The following RNGTT variants were observed in gnomAD, a reference collection of about 807,000 sequenced individuals.
RNGTT encodes mRNA-capping enzyme.
Under a neutral mutation model 79.3 loss-of-function variants are expected in RNGTT, and 33 were observed. The ratio of observed to expected loss-of-function variants is 0.42; its 90% CI spans 0.32 to 0.56. RNGTT has a LOEUF of 0.56. Ranked by LOEUF, RNGTT falls within the 20% of genes least tolerant of loss-of-function variation. The pLI is 0.17. For missense variants in RNGTT, 497 were observed against 739.1 expected (o/e 0.67, Z 3.80); for synonymous variants, 222 against 235.9 (o/e 0.94, Z 0.54).
chr6:88,942,590 C>T (rs1442295578), intron 1 of RNGTT, among the ~76,000 whole-genome samples: 4 of 151,972 alleles, frequency 2.6e-5, no homozygotes, highest in Non-Finnish European at 1.5e-5. Context: ...AGGCTGGTCT[C>T]GAATTCCTAA....
chr6:88,646,274 A>T (rs1773554385), intron 14 of RNGTT, among the ~76,000 whole-genome samples: 1 of 152,228 alleles, frequency 6.6e-6, no homozygotes, highest in Admixed American at 6.5e-5. Flanking sequence ...AGAGAAATGC[A>T]AATCAAAACC....
Position 88,890,611 on chromosome 6 carries a change from C to A in RNGTT, c.795-15G>T, listed in dbSNP as rs773936118. 2 of 1,571,126 alleles carry A rather than the reference C, an allele frequency of 1.3e-6. No individual in the cohort carries two copies. Among genetic ancestry groups the A allele is most frequent in the Non-Finnish European group, 1.7e-6 (2 of 1,143,556 alleles). Reference sequence around the variant, plus strand: ...GGAATCCAGACCTTAAAGAAGAACACAGTATTACTATCGTGGCTGGTATCC... The same window carrying A: ...GGAATCCAGACCTTAAAGAAGAACAAAGTATTACTATCGTGGCTGGTATCC... On this transcript the variant is annotated splice_polypyrimidine_tract_variant and intron_variant, in intron 7 of 15. Coordinates refer to ENST00000369485, the MANE Select transcript of RNGTT (RefSeq NM_003800.5).
intron 14 of RNGTT, among the ~76,000 whole-genome samples, chr6:88,646,529 A>G (rs1196443043): frequency 6.6e-6 from 1 of 152,206 alleles, no homozygotes; most frequent in African/African-American, 2.4e-5. Flanking sequence ...TGCTGCTATA[A>G]AGACACATGC....
At chr6:88,935,117 G>C (rs1784625549) in intron 2 of RNGTT, among the ~76,000 whole-genome samples, 1 of 152,140 alleles carries the variant, frequency 6.6e-6, no homozygotes, top group Admixed American at 6.5e-5. Flanking sequence ...TATGGTGAGA[G>C]ATAAAGGTCC....
At chr6:88,860,458 T>C (rs193217641) in intron 8 of RNGTT, among the ~76,000 whole-genome samples, 2 of 152,276 alleles carry the variant, frequency 1.3e-5, no homozygotes, top group Admixed American at 6.5e-5. Flanking sequence ...AACTTTTAAC[T>C]TGAGTGACAG....
intron 13 of RNGTT, among the ~76,000 whole-genome samples, chr6:88,679,261 G>T (rs1427750622): frequency 1.3e-5 from 2 of 152,162 alleles, no homozygotes; most frequent in Non-Finnish European, 2.9e-5. Context: ...CGGAATAAAG[G>T]TATTTGCTAT....
chr6:88,672,977 T>C (rs921504586), intron 14 of RNGTT, among the ~76,000 whole-genome samples: 3 of 152,250 alleles, frequency 2.0e-5, no homozygotes, highest in African/African-American at 4.8e-5. Context: ...TGGCATGCTA[T>C]AGCAAATTTC....
intron 13 of RNGTT, among the ~76,000 whole-genome samples, chr6:88,739,292 T>C (rs1777389018): frequency 6.6e-6 from 1 of 152,296 alleles, no homozygotes; most frequent in Admixed American, 6.5e-5. Flanking sequence ...ATTCTTCATG[T>C]TGGGCCAATA....
chr6:88,940,277 C>T (rs2127958345), intron 2 of RNGTT, among the ~76,000 whole-genome samples: 1 of 152,174 alleles, frequency 6.6e-6, no homozygotes, highest in South Asian at 2.1e-4. Context: ...CAGGTTTTTG[C>T]CATGTTGGCC....
intron 13 of RNGTT, among the ~76,000 whole-genome samples, chr6:88,725,087 A>G (rs948170027): frequency 3.9e-5 from 6 of 152,314 alleles, no homozygotes; most frequent in East Asian, 3.9e-4. Flanking sequence ...TTCAAGTGCT[A>G]TTTCTTTTGT....
intron 14 of RNGTT, among the ~76,000 whole-genome samples, chr6:88,670,653 G>A (rs1774600857): frequency 6.6e-6 from 1 of 152,178 alleles, no homozygotes; most frequent in Non-Finnish European, 1.5e-5. Flanking sequence ...AACCGCTTGT[G>A]CTATCCATAG....
rs1211805277 is a variant in RNGTT at position 88,698,112 on chromosome 6, T to TATATATATGAAATACATATATATG, written c.1440-19717_1440-19694dup. 1.4e-4 allele frequency among the ~76,000 whole-genome samples: 15 copies of TATATATATGAAATACATATATATG among 106,158 alleles called. 3 individuals are homozygous for TATATATATGAAATACATATATATG. Among genetic ancestry groups the TATATATATGAAATACATATATATG allele is most frequent in the South Asian group, 5.0e-4 (2 of 3,962 alleles). The allele number at this position is 106,158 out of a possible 152,430, so 69.6% of individuals were successfully genotyped here. A position where few individuals can be genotyped will look rare whatever the true frequency, so the allele number is the denominator to read the frequency against. ...ATATATATGAAATACATATATATGA[T>TATATATATGAAATACATATATATG]ATATATATGAAATACATATATATGA... is the stretch of plus-strand genomic sequence containing the variant. On this transcript the variant is annotated intron_variant, in intron 13 of 15. Coordinates refer to ENST00000369485, the MANE Select transcript of RNGTT (RefSeq NM_003800.5).
At chr6:88,664,494 G>A (rs1339527766) in intron 14 of RNGTT, among the ~76,000 whole-genome samples, 2 of 152,196 alleles carry the variant, frequency 1.3e-5, no homozygotes, top group Non-Finnish European at 2.9e-5. Flanking sequence ...AAGCCGCAGA[G>A]AGAGCCGCAA....
At chr6:88,619,852 C>T (rs1772378871) in intron 14 of RNGTT, among the ~76,000 whole-genome samples, 1 of 152,076 alleles carries the variant, frequency 6.6e-6, no homozygotes, top group East Asian at 1.9e-4. Context: ...GAAAATAAAA[C>T]ATATACATCA....
At chr6:88,671,547 C>A (rs1671580059) in intron 14 of RNGTT, among the ~76,000 whole-genome samples, 1 of 152,010 alleles carries the variant, frequency 6.6e-6, no homozygotes, top group Non-Finnish European at 1.5e-5. Context: ...TCTATAAATT[C>A]AATGCAATTC....
At chr6:88,628,133 T>G (rs1245806303) in intron 14 of RNGTT, among the ~76,000 whole-genome samples, 2 of 152,174 alleles carry the variant, frequency 1.3e-5, no homozygotes, top group African/African-American at 4.8e-5. Flanking sequence ...CTCTATGCAC[T>G]CCTTGAAAAA....
At chr6:88,862,731 A>C (rs1782052877) in intron 8 of RNGTT, among the ~76,000 whole-genome samples, 1 of 152,146 alleles carries the variant, frequency 6.6e-6, no homozygotes, top group Non-Finnish European at 1.5e-5. Context: ...TCATATTAAG[A>C]TCCTCAGTTT....
At chr6:88,766,464 T>C (rs1199378246) in intron 13 of RNGTT, among the ~76,000 whole-genome samples, 2 of 152,096 alleles carry the variant, frequency 1.3e-5, no homozygotes, top group Non-Finnish European at 2.9e-5. Flanking sequence ...AAAATCTATA[T>C]TGTGTATAAA....
At position 88,891,909 on chromosome 6, in the gene RNGTT, T is replaced by C. The variant is rs775129470; in HGVS notation, c.691A>G (p.Ile231Val). ...TTAACAGTAACACCTTCCAAGAAAA[T>C]AGCGCCCTTTAAAAAAAAAATAAGA... is the stretch of plus-strand genomic sequence containing the variant. ...RRKERLKLGA[I>V]FLEGVTVKGV... Residue 231 changes from isoleucine to valine, a missense_variant, in exon 7 of 16, where the codon ATT (isoleucine) becomes GTT (valine). Coordinates refer to ENST00000369485, the MANE Select transcript of RNGTT (RefSeq NM_003800.5). 8.4e-6 allele frequency: 13 copies of C among 1,543,522 alleles called. No individual in the cohort carries two copies. The highest frequency in any genetic ancestry group is 1.0e-5 in the Non-Finnish European group (12 of 1,151,434).
Sources: allele counts gnomAD v4.1 joint callset (sites outside exome capture counted in the v4.1 genomes callset), GRCh38; gene constraint gnomAD v4.1.1; transcripts MANE v1.5; gene names NCBI Gene and HGNC (gene_info 2026-07-23, HGNC 2026-07-21).